The following PPFIBP2 variants were observed in gnomAD, a reference collection of about 807,000 sequenced individuals.
PPFIBP2 encodes PPFIB scaffold protein 2.
Under a neutral mutation model 118.3 loss-of-function variants are expected in PPFIBP2, and 118 were observed. That is an observed-to-expected ratio of 1.00 (90% CI 0.86 to 1.16). The LOEUF is 1.16. Ranked by LOEUF, PPFIBP2 falls within the 50% of genes most tolerant of loss-of-function variation. The pLI is 0.00. For synonymous variants in PPFIBP2, 414 were observed against 397.4 expected (o/e 1.04, Z -0.50); for missense variants, 1,195 against 1,073.1 (o/e 1.11, Z -1.59).
intron 1 of PPFIBP2, among the ~76,000 whole-genome samples, chr11:7,535,786 T>C (rs1352788837): frequency 6.6e-6 from 1 of 152,220 alleles, no homozygotes; most frequent in African/African-American, 2.4e-5. Flanking sequence ...TCTGAATACC[T>C]GAACACAGTC....
In PPFIBP2 at chr11:7,648,732, C is replaced by G. The variant is rs1002291521; in HGVS notation, c.1798-68C>G. 4 of 1,509,222 alleles carry G rather than the reference C, an allele frequency of 2.7e-6. No individual in the cohort carries two copies. The African/African-American group carries it at 5.5e-5, about 21-fold the overall frequency. 93.5% of individuals were successfully genotyped at this position (1,509,222 alleles called of 1,614,324 possible). A position where few individuals can be genotyped will look rare whatever the true frequency, so the allele number is the denominator to read the frequency against. On this transcript the variant is annotated intron_variant, in intron 18 of 23. Coordinates refer to ENST00000299492, the MANE Select transcript of PPFIBP2 (RefSeq NM_003621.5). ...CATACTCAGAGCATCTCCACCCAGA[C>G]ACAGCTTTCTCTGAGGGCCAAATTG...
At chr11:7,632,983 C>A in intron 12 of PPFIBP2, 49 bp downstream of exon 12, 1 of 1,546,086 alleles carries the variant, frequency 6.5e-7, no homozygotes, top group Non-Finnish European at 8.9e-7. Flanking sequence ...TCAGGCTTGC[C>A]TTGGGGCTGC....
chr11:7,519,770 G>GA (rs1298339783), intron 1 of PPFIBP2, among the ~76,000 whole-genome samples: 9 of 152,166 alleles, frequency 5.9e-5, no homozygotes, highest in Admixed American at 2.6e-4. Context: ...TGGCTTAGAG[G>GA]TGTCCCCCTA....
intron 1 of PPFIBP2, among the ~76,000 whole-genome samples, chr11:7,539,673 G>A (rs748448798): frequency 2.0e-5 from 3 of 152,228 alleles, no homozygotes; most frequent in Non-Finnish European, 4.4e-5. Context: ...TCCTGGGAGT[G>A]GCGAGGGGGA....
At chr11:7,525,367 C>A (rs1850131414) in intron 1 of PPFIBP2, among the ~76,000 whole-genome samples, 1 of 152,106 alleles carries the variant, frequency 6.6e-6, no homozygotes, top group South Asian at 2.1e-4. Flanking sequence ...CTTGGCACAT[C>A]ATAGGTAGTC....
At chr11:7,578,479 G>A (rs1590337484) in intron 3 of PPFIBP2, among the ~76,000 whole-genome samples, 2 of 152,202 alleles carry the variant, frequency 1.3e-5, no homozygotes, top group Admixed American at 6.5e-5. Flanking sequence ...CCCGACTCCC[G>A]GACACTGAGC....
chr11:7,546,707 G>C (rs1164980402), intron 1 of PPFIBP2, among the ~76,000 whole-genome samples: 1 of 152,146 alleles, frequency 6.6e-6, no homozygotes, highest in East Asian at 1.9e-4. Flanking sequence ...AACCATTTTG[G>C]CCTTTGCCAA....
At chr11:7,535,320 T>A (rs1851099401) in intron 1 of PPFIBP2, among the ~76,000 whole-genome samples, 1 of 152,160 alleles carries the variant, frequency 6.6e-6, no homozygotes, top group Admixed American at 6.5e-5. Flanking sequence ...GGGCCTTTAG[T>A]TGAGGAAACA....
chr11:7,603,137 G>A (rs1342555291), intron 5 of PPFIBP2, among the ~76,000 whole-genome samples: 2 of 152,170 alleles, frequency 1.3e-5, no homozygotes, highest in African/African-American at 2.4e-5. Context: ...GTTCCGGTGG[G>A]AACACAAATC....
chr11:7,570,301 C>T (rs559865898), intron 3 of PPFIBP2, among the ~76,000 whole-genome samples: 3 of 152,242 alleles, frequency 2.0e-5, no homozygotes, highest in South Asian at 4.1e-4. Context: ...AGTGTTGATT[C>T]GTGTCCCAGG....
intron 1 of PPFIBP2, among the ~76,000 whole-genome samples, chr11:7,538,958 A>G (rs564487486): frequency 2.0e-5 from 3 of 152,256 alleles, no homozygotes; most frequent in African/African-American, 7.2e-5. Flanking sequence ...TGCGCCAAAT[A>G]TTTTTGTTGC....
At chr11:7,591,952 C>G (rs1199974469) in intron 3 of PPFIBP2, among the ~76,000 whole-genome samples, 2 of 151,966 alleles carry the variant, frequency 1.3e-5, no homozygotes, top group Non-Finnish European at 2.9e-5. Flanking sequence ...GGTGGGAGAG[C>G]CCATGCTAAA....
chr11:7,665,097 G>T, the PPFIBP2 span: 1 of 267,712 alleles, frequency 3.7e-6, no homozygotes, highest in Non-Finnish European at 7.1e-6. Context: ...ACACTTCATG[G>T]GCTGTCTGCT....
chr11:7,550,399 T>G (rs1852839485), intron 2 of PPFIBP2, among the ~76,000 whole-genome samples: 1 of 152,206 alleles, frequency 6.6e-6, no homozygotes, highest in African/African-American at 2.4e-5. Flanking sequence ...ACACTGCCCT[T>G]TCTCAGGCAT....
intron 3 of PPFIBP2, among the ~76,000 whole-genome samples, chr11:7,572,581 G>A (rs1161427904): frequency 1.3e-5 from 2 of 152,158 alleles, no homozygotes; most frequent in African/African-American, 2.4e-5. Context: ...AGTGTTGCCA[G>A]GTTAGCATAA....
At chr11:7,617,172 C>T (rs1047051120) in intron 6 of PPFIBP2, 33 of 985,068 alleles carry the variant, frequency 3.4e-5, no homozygotes, top group South Asian at 9.4e-5. Context: ...GCTGGACATC[C>T]ACAGGCAGAT....
At chr11:7,517,487 G>A (rs368596842) in intron 1 of PPFIBP2, among the ~76,000 whole-genome samples, 4 of 151,978 alleles carry the variant, frequency 2.6e-5, no homozygotes, top group South Asian at 2.1e-4. Flanking sequence ...GGGTTGATGC[G>A]TTGGGTACTA....
intron 6 of PPFIBP2, among the ~76,000 whole-genome samples, chr11:7,619,030 C>A (rs945206718): frequency 5.9e-5 from 9 of 152,138 alleles, no homozygotes; most frequent in Admixed American, 1.3e-4. Flanking sequence ...AAGGCCAAGA[C>A]CTCCAGGCCA....
chr11:7,627,743 A>G (rs1850215842), intron 8 of PPFIBP2, among the ~76,000 whole-genome samples: 2 of 152,240 alleles, frequency 1.3e-5, no homozygotes, highest in South Asian at 4.1e-4. Context: ...GCATATATGT[A>G]TATATCCCAA....
Sources: gnomAD v4.1 joint callset for allele counts (sites outside exome capture counted in the v4.1 genomes callset) on GRCh38, gnomAD v4.1.1 for gene constraint, MANE v1.5 for transcripts, NCBI Gene and HGNC (gene_info 2026-07-23, HGNC 2026-07-21) for gene names.